The following KIAA1958 variants were observed in gnomAD, a reference collection of about 807,000 sequenced individuals.
The protein encoded by KIAA1958 is uncharacterized protein KIAA1958.
Under a neutral mutation model 47.2 loss-of-function variants are expected in KIAA1958, and 14 were observed. The ratio of observed to expected loss-of-function variants is 0.30; its 90% CI spans 0.20 to 0.46. The LOEUF (loss-of-function observed/expected upper bound fraction) is 0.46. Ranked by LOEUF, KIAA1958 falls within the 20% of genes least tolerant of loss-of-function variation. The probability of loss-of-function intolerance (pLI) is 1.00; values close to 1 mark genes in which losing one functional copy is unlikely to be tolerated. For missense variants in KIAA1958, 803 were observed against 909.2 expected, an observed-to-expected ratio of 0.88 and a Z score of 1.50; for synonymous variants, 354 against 353.3, an observed-to-expected ratio of 1.00 and a Z score of -0.02.
chr9:112,552,631 A>C (rs1835170136), intron 1 of KIAA1958, among the ~76,000 whole-genome samples: 1 of 152,256 alleles, frequency 6.6e-6, no homozygotes, highest in Non-Finnish European at 1.5e-5. Flanking sequence ...GCAAGAAATC[A>C]TCAACATAGT....
chr9:112,598,666 T>C (rs1836075147), intron 2 of KIAA1958, among the ~76,000 whole-genome samples: 1 of 152,202 alleles, frequency 6.6e-6, no homozygotes, highest in African/African-American at 2.4e-5. Context: ...AATAGTAGTT[T>C]TTCTCTTGGA....
chr9:112,614,984 A>T (rs1267801030), intron 2 of KIAA1958, among the ~76,000 whole-genome samples: 1 of 152,184 alleles, frequency 6.6e-6, no homozygotes, highest in East Asian at 1.9e-4. Flanking sequence ...AATCCAACAG[A>T]CTTAAACTTT....
Position 112,638,778 on chromosome 9 carries a change from GTATATTCTTTTCTATTTTTTC to G in KIAA1958, c.1172-6858_1172-6838del, listed in dbSNP as rs553984153. On this transcript the variant is annotated intron_variant, in intron 2 of 3. Coordinates refer to ENST00000337530, the MANE Select transcript of KIAA1958 (RefSeq NM_133465.4). ...CCATGTGTCTATTTTGCTATTTTCT[GTATATTCTTTTCTATTTTTTC>G]TATATTCTTTTCTCTCTCTGCCTCA... Among the ~76,000 whole-genome samples, 1,157 of 152,082 alleles carry G rather than the reference GTATATTCTTTTCTATTTTTTC, an allele frequency of 7.6e-3. 20 individuals carry two copies. The highest frequency in any genetic ancestry group is 0.06 in the South Asian group (291 of 4,812).
chr9:112,649,958 T>C (rs1382825878), intron 3 of KIAA1958, among the ~76,000 whole-genome samples: 1 of 152,152 alleles, frequency 6.6e-6, no homozygotes, highest in Non-Finnish European at 1.5e-5. Flanking sequence ...ATGTAAGTTT[T>C]TAAAATTTTA....
intron 1 of KIAA1958, among the ~76,000 whole-genome samples, chr9:112,508,832 A>T (rs180894758): frequency 6.6e-6 from 1 of 152,270 alleles, no homozygotes; most frequent in Admixed American, 6.5e-5. Context: ...TTATAAGATT[A>T]TTTGGCCCTG....
chr9:112,528,632 C>T (rs1834701325), intron 1 of KIAA1958, among the ~76,000 whole-genome samples: 1 of 152,188 alleles, frequency 6.6e-6, no homozygotes, highest in Non-Finnish European at 1.5e-5. Context: ...AAGCGATTCT[C>T]CTGCCTCAGC....
chr9:112,487,922 A>G (rs1376662587), intron 1 of KIAA1958, among the ~76,000 whole-genome samples: 1 of 144,546 alleles, frequency 6.9e-6, no homozygotes, highest in Non-Finnish European at 1.5e-5. Flanking sequence ...TGATTTTTAC[A>G]ATTATATGTA....
intron 1 of KIAA1958, among the ~76,000 whole-genome samples, chr9:112,493,733 CT>C (rs1166289518): frequency 6.6e-6 from 1 of 152,154 alleles, no homozygotes; most frequent in African/African-American, 2.4e-5. Context: ...GTATCCCTTG[CT>C]TTTCATATTT....
chr9:112,568,335 G>C (rs1835464219), intron 1 of KIAA1958, among the ~76,000 whole-genome samples: 1 of 152,132 alleles, frequency 6.6e-6, no homozygotes, highest in African/African-American at 2.4e-5. Flanking sequence ...GAGCTACTAA[G>C]ATCTTGAGAA....
In KIAA1958 at chr9:112,536,975, A is replaced by G. The variant is rs111333654; in HGVS notation, c.-24-37082A>G. 5.2e-3 allele frequency among the ~76,000 whole-genome samples: 797 copies of G among 152,288 alleles called. 10 individuals are homozygous for G. Among genetic ancestry groups the G allele is most frequent in the African/African-American group, 0.018 (756 of 41,554 alleles). On this transcript the variant is annotated intron_variant, in intron 1 of 3. Coordinates refer to ENST00000337530, the MANE Select transcript of KIAA1958 (RefSeq NM_133465.4). ...GTCATCATCAAGGAAAAGTTTATAA[A>G]TTGGACTACTTTAATATTAGAGACT...
intron 1 of KIAA1958, among the ~76,000 whole-genome samples, chr9:112,516,510 G>T (rs567812647): frequency 6.6e-6 from 1 of 152,284 alleles, no homozygotes; most frequent in South Asian, 2.1e-4. Context: ...ATGCAATATT[G>T]TTAAGATTGA....
intron 1 of KIAA1958, among the ~76,000 whole-genome samples, chr9:112,510,547 C>G (rs1458967777): frequency 6.6e-6 from 1 of 152,188 alleles, no homozygotes; most frequent in African/African-American, 2.4e-5. Flanking sequence ...GTCCCTGTTT[C>G]CCTCTTTTCT....
At chr9:112,557,084 G>A (rs1174617536) in intron 1 of KIAA1958, among the ~76,000 whole-genome samples, 1 of 151,948 alleles carries the variant, frequency 6.6e-6, no homozygotes, top group Non-Finnish European at 1.5e-5. Context: ...TCACCCTCCC[G>A]AGTAGCTGGG....
chr9:112,549,315 T>C (rs535256759), intron 1 of KIAA1958, among the ~76,000 whole-genome samples: 1 of 152,350 alleles, frequency 6.6e-6, no homozygotes, highest in African/African-American at 2.4e-5. Context: ...TCAGATTATT[T>C]CCCTTGGGTT....
At chr9:112,518,993 A>T (rs943452183) in intron 1 of KIAA1958, among the ~76,000 whole-genome samples, 1 of 152,188 alleles carries the variant, frequency 6.6e-6, no homozygotes, top group Non-Finnish European at 1.5e-5. Flanking sequence ...GCAGTGGCAC[A>T]ATCCTAGCTC....
At chr9:112,658,451 C>G (rs1183823390) in intron 3 of KIAA1958, among the ~76,000 whole-genome samples, 1 of 152,038 alleles carries the variant, frequency 6.6e-6, no homozygotes, top group African/African-American at 2.4e-5. Context: ...GATTTGCAAA[C>G]AAAGAAAACC....
intron 2 of KIAA1958, among the ~76,000 whole-genome samples, chr9:112,628,530 A>G (rs1464045139): frequency 2.0e-5 from 3 of 152,202 alleles, no homozygotes; most frequent in African/African-American, 7.2e-5. Flanking sequence ...CCAGAGTCAC[A>G]CAAAATTATT....
chr9:112,537,544 T>TA (rs1438378136), intron 1 of KIAA1958, among the ~76,000 whole-genome samples: 1 of 152,220 alleles, frequency 6.6e-6, no homozygotes, highest in African/African-American at 2.4e-5. Flanking sequence ...GTAAGATGCT[T>TA]AACATCATTA....
chr9:112,543,701 GTAGC>G, intron 1 of KIAA1958, among the ~76,000 whole-genome samples: 1 of 151,610 alleles, frequency 6.6e-6, no homozygotes. Flanking sequence ...GCCTTCCTGA[GTAGC>G]TGGGATTACA....
Sources: allele counts gnomAD v4.1 joint callset (sites outside exome capture counted in the v4.1 genomes callset), GRCh38; gene constraint gnomAD v4.1.1; transcripts MANE v1.5; gene names NCBI Gene and HGNC (gene_info 2026-07-23, HGNC 2026-07-21).